Variants in UBE2E2 observed in about 807,000 individuals in gnomAD.
UBE2E2 encodes ubiquitin-conjugating enzyme E2 E2.
In UBE2E2, 6 loss-of-function variants were observed where a neutral mutation model predicts 24.7. The ratio of observed to expected loss-of-function variants is 0.24; its 90% confidence interval spans 0.13 to 0.48. The LOEUF is 0.48. Ranked by LOEUF, UBE2E2 falls within the 20% of genes least tolerant of loss-of-function variation. UBE2E2 has a pLI of 0.99. For missense variants in UBE2E2, 169 were observed against 245.0 expected, an observed-to-expected ratio of 0.69 and a Z score of 2.07; for synonymous variants, 104 against 83.6, an observed-to-expected ratio of 1.24 and a Z score of -1.33.
chr3:23,388,682 T>A (rs60579786), intron 3 of UBE2E2, among the ~76,000 whole-genome samples: 6,496 of 152,020 alleles, frequency 0.043, 460 homozygotes, highest in African/African-American at 0.14. Context: ...TAGTATTTTT[T>A]AAAAAAAATA....
intron 3 of UBE2E2, among the ~76,000 whole-genome samples, chr3:23,352,992 A>G (rs936499229): frequency 6.6e-6 from 1 of 152,232 alleles, no homozygotes; most frequent in African/African-American, 2.4e-5. Flanking sequence ...TCAATAAAAT[A>G]CTAGCAAACC....
intron 5 of UBE2E2, among the ~76,000 whole-genome samples, chr3:23,572,404 T>G (rs1476030716): frequency 6.6e-6 from 1 of 152,224 alleles, no homozygotes; most frequent in African/African-American, 2.4e-5. Flanking sequence ...TATTGTAGAT[T>G]CAGGGAGTGC....
intron 5 of UBE2E2, among the ~76,000 whole-genome samples, chr3:23,538,998 G>C (rs2125490756): frequency 6.6e-6 from 1 of 152,228 alleles, no homozygotes; most frequent in Admixed American, 6.5e-5. Flanking sequence ...AGGAAATACT[G>C]AATGAGAAAG....
chr3:23,449,910 G>A (rs187458185), intron 3 of UBE2E2: 60 of 985,392 alleles, frequency 6.1e-5, no homozygotes, highest in East Asian at 1.1e-4. Context: ...GCCCCACATG[G>A]GGACCCCTCC....
intron 3 of UBE2E2, among the ~76,000 whole-genome samples, chr3:23,480,484 G>C (rs1699233789): frequency 6.6e-6 from 1 of 152,186 alleles, no homozygotes; most frequent in Non-Finnish European, 1.5e-5. Context: ...CTTAGTAGAG[G>C]GTGGGGCTCC....
At chr3:23,229,139 C>T (rs1280941564) in intron 3 of UBE2E2, among the ~76,000 whole-genome samples, 2 of 152,166 alleles carry the variant, frequency 1.3e-5, no homozygotes, top group Non-Finnish European at 2.9e-5. Context: ...TTCAGTATAT[C>T]TGTGAATTAG....
intron 3 of UBE2E2, among the ~76,000 whole-genome samples, chr3:23,266,934 C>A (rs917499569): frequency 1.3e-5 from 2 of 152,198 alleles, no homozygotes; most frequent in Middle Eastern, 3.2e-3. Flanking sequence ...GGAAACTGAA[C>A]AACCTGCTCC....
intron 3 of UBE2E2, among the ~76,000 whole-genome samples, chr3:23,490,963 A>G (rs556359290): frequency 1.2e-3 from 180 of 152,326 alleles, no homozygotes; most frequent in Non-Finnish European, 2.1e-3. Context: ...CTGACAAAAA[A>G]GTACAAAATA....
At chr3:23,355,229 G>C (rs952310266) in intron 3 of UBE2E2, among the ~76,000 whole-genome samples, 1 of 149,908 alleles carries the variant, frequency 6.7e-6, no homozygotes, top group African/African-American at 2.5e-5. Flanking sequence ...GGGACTGGTG[G>C]GGGGTTGGGG....
At chr3:23,550,460 T>C (rs117456540) in intron 5 of UBE2E2, among the ~76,000 whole-genome samples, 9 of 152,306 alleles carry the variant, frequency 5.9e-5, no homozygotes, top group East Asian at 5.8e-4. Context: ...ACTTAAAATA[T>C]GTCAGGATAT....
At chr3:23,275,001 T>A (rs1205165688) in intron 3 of UBE2E2, among the ~76,000 whole-genome samples, 3 of 152,184 alleles carry the variant, frequency 2.0e-5, no homozygotes, top group African/African-American at 7.2e-5. Context: ...TCAAAATAAC[T>A]TTTTGAGGAA....
chr3:23,564,692 A>G (rs1443413344), intron 5 of UBE2E2, among the ~76,000 whole-genome samples: 1 of 152,198 alleles, frequency 6.6e-6, no homozygotes, highest in Non-Finnish European at 1.5e-5. Context: ...CTGTCAGCAC[A>G]TCCACGGGGT....
intron 4 of UBE2E2, among the ~76,000 whole-genome samples, chr3:23,501,539 C>T (rs1051170198): frequency 1.3e-5 from 2 of 152,164 alleles, no homozygotes; most frequent in Non-Finnish European, 2.9e-5. Context: ...CATGTACTTT[C>T]CACTGAATTA....
intron 3 of UBE2E2, among the ~76,000 whole-genome samples, chr3:23,327,667 G>A (rs1217533674): frequency 6.6e-6 from 1 of 152,200 alleles, no homozygotes; most frequent in African/African-American, 2.4e-5. Context: ...AATTCTTTCA[G>A]TGAAGGTATG....
intron 3 of UBE2E2, among the ~76,000 whole-genome samples, chr3:23,301,893 T>A (rs1699106759): frequency 7.1e-6 from 1 of 140,626 alleles, no homozygotes; most frequent in Non-Finnish European, 1.5e-5. Flanking sequence ...TTCGGCCATC[T>A]TGGCTCCTCC....
At chr3:23,514,313 A>G (rs1019721596) in intron 4 of UBE2E2, among the ~76,000 whole-genome samples, 3 of 152,222 alleles carry the variant, frequency 2.0e-5, no homozygotes, top group Non-Finnish European at 4.4e-5. Flanking sequence ...GTTACCTTCT[A>G]AGATCCAAAG....
At chr3:23,322,385 G>A (rs1031418859) in intron 3 of UBE2E2, among the ~76,000 whole-genome samples, 5 of 152,154 alleles carry the variant, frequency 3.3e-5, no homozygotes, top group African/African-American at 1.2e-4. Context: ...AGTTCAAGAT[G>A]TCTAAAACTG....
At chr3:23,258,324 G>A (rs1425943416) in intron 3 of UBE2E2, among the ~76,000 whole-genome samples, 2 of 152,144 alleles carry the variant, frequency 1.3e-5, no homozygotes, top group East Asian at 1.9e-4. Flanking sequence ...GAGAAAGGAT[G>A]AGTCATGGTA....
chr3:23,493,658 A>G (rs1699544684), intron 3 of UBE2E2, among the ~76,000 whole-genome samples: 1 of 152,208 alleles, frequency 6.6e-6, no homozygotes, highest in Non-Finnish European at 1.5e-5. Flanking sequence ...TAAACATTCT[A>G]TTCATTGATA....
Sources: allele counts gnomAD v4.1 joint callset (sites outside exome capture counted in the v4.1 genomes callset), GRCh38; gene constraint gnomAD v4.1.1; transcripts MANE v1.5; gene names NCBI Gene and HGNC (gene_info 2026-07-23, HGNC 2026-07-21).